The following IL1RAPL2 variants were observed in gnomAD, a reference collection of about 807,000 sequenced individuals.
IL1RAPL2 encodes interleukin 1 receptor accessory protein like 2.
IL1RAPL2 carries 3 observed loss-of-function variants against 44.1 expected under a neutral mutation model. That is an observed-to-expected ratio of 0.07 (90% CI 0.03 to 0.18). The LOEUF (loss-of-function observed/expected upper bound fraction) is 0.18. Ranked by LOEUF, IL1RAPL2 falls within the 10% of genes least tolerant of loss-of-function variation. The pLI, the probability that IL1RAPL2 is intolerant of heterozygous loss-of-function variation, is 1.00. For synonymous variants in IL1RAPL2, 181 were observed against 178.8 expected, an observed-to-expected ratio of 1.01 and a Z score of -0.10; for missense variants, 391 against 496.4, an observed-to-expected ratio of 0.79 and a Z score of 2.02.
At chrX:104,924,446 T>G (rs1602825121) in intron 2 of IL1RAPL2, among the ~76,000 whole-genome samples, 1 of 112,091 alleles carries the variant, frequency 8.9e-6, no homozygotes, top group Non-Finnish European at 1.9e-5. Flanking sequence ...GACCATATGC[T>G]TGGCCATAAA....
chrX:105,350,016 A>G (rs2035140531), intron 5 of IL1RAPL2, among the ~76,000 whole-genome samples: 1 of 112,339 alleles, frequency 8.9e-6, no homozygotes, highest in African/African-American at 3.2e-5. Flanking sequence ...CAGCCCTACC[A>G]GAATATGTGG....
intron 6 of IL1RAPL2, among the ~76,000 whole-genome samples, chrX:105,563,567 C>T (rs1265920564): frequency 9.0e-6 from 1 of 111,522 alleles, no homozygotes; most frequent in African/African-American, 3.3e-5. Context: ...ATTTAATTCT[C>T]CCAACAAAAA....
chrX:104,982,577 G>A (rs1175689165), intron 2 of IL1RAPL2, among the ~76,000 whole-genome samples: 1 of 110,831 alleles, frequency 9.0e-6, no homozygotes, highest in African/African-American at 3.3e-5. Context: ...ATGAATAAAA[G>A]TTTATAATAT....
intron 5 of IL1RAPL2, among the ~76,000 whole-genome samples, chrX:105,287,977 C>T (rs1237528813): frequency 9.0e-6 from 1 of 111,059 alleles, no homozygotes; most frequent in East Asian, 2.8e-4. Flanking sequence ...AGTTACAGTG[C>T]AACAATGAGC....
chrX:105,400,395 A>G (rs897380831), intron 5 of IL1RAPL2, among the ~76,000 whole-genome samples: 1 of 111,002 alleles, frequency 9.0e-6, no homozygotes, highest in African/African-American at 3.3e-5. Context: ...TTATATACTT[A>G]TTGTGCGGGC....
At chrX:105,279,107 A>G (rs1191205441) in intron 5 of IL1RAPL2, among the ~76,000 whole-genome samples, 7 of 96,334 alleles carry the variant, frequency 7.3e-5, no homozygotes, top group African/African-American at 2.3e-4. Flanking sequence ...AGCACCAATT[A>G]CATTAGGGCT....
chrX:104,722,011 C>T (rs1008540083), intron 2 of IL1RAPL2, among the ~76,000 whole-genome samples: 6 of 111,489 alleles, frequency 5.4e-5, no homozygotes, highest in Admixed American at 9.6e-5. Context: ...TTTCTGGCAA[C>T]GGCATTTCCT....
intron 6 of IL1RAPL2, among the ~76,000 whole-genome samples, chrX:105,642,810 A>G (rs1186118615): frequency 8.9e-6 from 1 of 112,374 alleles, no homozygotes; most frequent in Non-Finnish European, 1.9e-5. Context: ...AGCTCACACA[A>G]CTATTCGTAG....
intron 6 of IL1RAPL2, among the ~76,000 whole-genome samples, chrX:105,658,877 G>C (rs1247597856): frequency 2.9e-5 from 3 of 105,261 alleles, no homozygotes; most frequent in Non-Finnish European, 5.8e-5. Flanking sequence ...CAGGAGAATT[G>C]CTTGAACTTG....
chrX:105,493,391 G>A (rs2036334887), intron 6 of IL1RAPL2, among the ~76,000 whole-genome samples: 1 of 111,638 alleles, frequency 9.0e-6, no homozygotes, highest in Non-Finnish European at 1.9e-5. Context: ...CAGTAATGCA[G>A]AGGTTCCAAT....
chrX:104,784,292 G>T (rs966726112), intron 2 of IL1RAPL2, among the ~76,000 whole-genome samples: 1 of 112,069 alleles, frequency 8.9e-6, no homozygotes, highest in Non-Finnish European at 1.9e-5. Flanking sequence ...TATTGGCTGA[G>T]TTTGTCTCTG....
intron 6 of IL1RAPL2, among the ~76,000 whole-genome samples, chrX:105,647,264 C>T (rs200300464): frequency 9.0e-6 from 1 of 111,513 alleles, no homozygotes; most frequent in Non-Finnish European, 1.9e-5. Context: ...GGACAGCGAG[C>T]GAAAGCTCAG....
Position 105,117,189 on chromosome X carries a change from G to A in IL1RAPL2, c.83-78286G>A, listed in dbSNP as rs137926130. Among the ~76,000 whole-genome samples the A allele has an allele frequency of 2.6e-4, 29 of 112,229 alleles. No individual in the cohort carries two copies. The East Asian group carries it at 7.8e-3, about 30-fold the overall frequency. The stretch of plus-strand genomic sequence containing the variant: ...TTCTTCTTATCAGAAATCCAGCACA[G>A]ATGAGAAGATTTATTGTCTGATAGT... On this transcript the variant is annotated intron_variant, in intron 2 of 10. Transcript: ENST00000372582.
At chrX:105,256,441 A>G (rs1331936623) in intron 4 of IL1RAPL2, among the ~76,000 whole-genome samples, 1 of 107,540 alleles carries the variant, frequency 9.3e-6, no homozygotes. Context: ...CAATTCTCCT[A>G]TCTCAGCCTC....
At chrX:104,579,564 T>C (rs1378588049) in intron 1 of IL1RAPL2, among the ~76,000 whole-genome samples, 2 of 111,020 alleles carry the variant, frequency 1.8e-5, no homozygotes, top group African/African-American at 3.3e-5. Flanking sequence ...CGAGAACACA[T>C]GGACACAAAG....
chrX:104,824,195 A>G (rs1247411230), intron 2 of IL1RAPL2, among the ~76,000 whole-genome samples: 1 of 112,016 alleles, frequency 8.9e-6, no homozygotes, highest in Non-Finnish European at 1.9e-5. Context: ...ACATTTATTG[A>G]TTTGCATATG....
chrX:104,646,479 A>G (rs945298711), intron 1 of IL1RAPL2, among the ~76,000 whole-genome samples: 1 of 111,760 alleles, frequency 8.9e-6, no homozygotes, highest in African/African-American at 3.3e-5. Flanking sequence ...TATCATATTA[A>G]TTTTACAATA....
chrX:104,815,827 C>A (rs5962984), intron 2 of IL1RAPL2, among the ~76,000 whole-genome samples: 5,334 of 83,811 alleles, frequency 0.064, 373 homozygotes, highest in African/African-American at 0.22. Context: ...CACATTCCAC[C>A]CCCCTCATTT....
intron 6 of IL1RAPL2, among the ~76,000 whole-genome samples, chrX:105,568,384 A>G (rs1273487202): frequency 1.8e-5 from 2 of 111,944 alleles, no homozygotes; most frequent in African/African-American, 6.5e-5. Context: ...CTATCTATCT[A>G]TCTAGAGTTA....
Sources: gnomAD v4.1 joint callset for allele counts (sites outside exome capture counted in the v4.1 genomes callset) on GRCh38, gnomAD v4.1.1 for gene constraint, MANE v1.5 for transcripts, NCBI Gene and HGNC (gene_info 2026-07-23, HGNC 2026-07-21) for gene names.